Variants in FNDC3B observed in about 807,000 individuals in gnomAD.
The protein encoded by FNDC3B is fibronectin type III domain-containing protein 3B.
A neutral mutation model predicts 151.5 loss-of-function variants in FNDC3B; 12 were observed. The observed-to-expected ratio is 0.08, with a 90% CI of 0.05 to 0.13. FNDC3B has a LOEUF of 0.13. Ranked by LOEUF, FNDC3B falls within the 10% of genes least tolerant of loss-of-function variation. FNDC3B has a pLI of 1.00. For synonymous variants in FNDC3B, 528 were observed against 549.0 expected (o/e 0.96, Z 0.54); for missense variants, 1,214 against 1,505.3 (o/e 0.81, Z 3.20).
intron 11 of FNDC3B, among the ~76,000 whole-genome samples, chr3:172,322,766 C>T (rs1352963222): frequency 6.6e-6 from 1 of 152,158 alleles, no homozygotes; most frequent in African/African-American, 2.4e-5. Flanking sequence ...CCCAGAAATA[C>T]AGTGACAGGA....
At chr3:172,215,831 A>T (rs1725949277) in intron 3 of FNDC3B, among the ~76,000 whole-genome samples, 1 of 151,832 alleles carries the variant, frequency 6.6e-6, no homozygotes, top group Non-Finnish European at 1.5e-5. Context: ...AAACTTTAAC[A>T]TCTTAGTCTG....
intron 10 of FNDC3B, among the ~76,000 whole-genome samples, chr3:172,308,904 G>A (rs1051480060): frequency 1.3e-5 from 2 of 152,054 alleles, no homozygotes; most frequent in African/African-American, 4.8e-5. Context: ...ATTTTGTTTG[G>A]AAAATATAAG....
At position 172,251,413 on chromosome 3, in the gene FNDC3B, T is replaced by C; in HGVS notation, c.662T>C (p.Val221Ala). 6.2e-7 allele frequency: 1 copy of C among 1,613,766 alleles called. No homozygotes were observed. The highest frequency in any genetic ancestry group is 8.5e-7 in the Non-Finnish European group (1 of 1,179,954). Residue 221 changes from valine (V) to alanine (A), a missense_variant, in exon 6 of 26, where the codon GTA becomes GCA. Physicochemically the swap from Val to Ala is moderately conservative, Grantham distance 64 (BLOSUM62 0). Around this residue, in one of 7 missense-constraint regions of FNDC3B, gnomAD observed 166 missense variants for 173.2 expected, o/e 0.96. Coordinates refer to ENST00000415807, the MANE Select transcript of FNDC3B (RefSeq NM_022763.4). ...SSIYKSSCTT[V>A]YNGYGKGHSG... ...ATCTACAAAAGCAGCTGCACAACAGTATACAATGGCTATGGGAAGGGCCAT... is the reference window on the plus strand; with the variant it reads ...ATCTACAAAAGCAGCTGCACAACAGCATACAATGGCTATGGGAAGGGCCAT...
chr3:172,041,431 TTC>T (rs1716061770), intron 1 of FNDC3B, among the ~76,000 whole-genome samples: 1 of 137,754 alleles, frequency 7.3e-6, no homozygotes, highest in African/African-American at 3.2e-5. Context: ...CCTTCCTTCC[TTC>T]CTTCCTTCCT....
chr3:172,236,131 G>A (rs887615413), intron 4 of FNDC3B, among the ~76,000 whole-genome samples: 1 of 152,204 alleles, frequency 6.6e-6, no homozygotes, highest in African/African-American at 2.4e-5. Flanking sequence ...ATCCATTTTA[G>A]TATCGATTGA....
intron 3 of FNDC3B, among the ~76,000 whole-genome samples, chr3:172,136,885 A>G (rs191126308): frequency 2.2e-4 from 33 of 152,140 alleles, no homozygotes; most frequent in Admixed American, 5.9e-4. Context: ...ACACCTGTCT[A>G]ATTTTTTTGT....
chr3:172,245,843 A>C (rs956657075), intron 4 of FNDC3B, among the ~76,000 whole-genome samples: 16 of 152,230 alleles, frequency 1.1e-4, no homozygotes, highest in Non-Finnish European at 1.9e-4. Flanking sequence ...CTTAATTTTA[A>C]ATAGGTAATA....
intron 11 of FNDC3B, among the ~76,000 whole-genome samples, chr3:172,315,168 GGAGTTC>G (rs1262694046): frequency 6.6e-6 from 1 of 152,184 alleles, no homozygotes; most frequent in Non-Finnish European, 1.5e-5. Flanking sequence ...CCTGAGCTCA[GGAGTTC>G]GAGACCAGCC....
intron 3 of FNDC3B, among the ~76,000 whole-genome samples, chr3:172,159,358 T>A (rs1722658209): frequency 6.6e-6 from 1 of 152,234 alleles, no homozygotes; most frequent in South Asian, 2.1e-4. Flanking sequence ...AACTGTGTGA[T>A]CACTGTATCC....
intron 3 of FNDC3B, among the ~76,000 whole-genome samples, chr3:172,225,120 ATTT>A (rs1206850482): frequency 6.6e-6 from 1 of 152,174 alleles, no homozygotes; most frequent in Middle Eastern, 3.2e-3. Flanking sequence ...ATTGAATTTA[ATTT>A]GTTGTTGTTC....
chr3:172,118,376 G>A (rs553651806), intron 2 of FNDC3B, among the ~76,000 whole-genome samples: 9 of 152,354 alleles, frequency 5.9e-5, no homozygotes, highest in African/African-American at 2.2e-4. Flanking sequence ...TAGCCACGGT[G>A]TCGGGGGACC....
chr3:172,067,458 G>A (rs1340704248), intron 1 of FNDC3B, among the ~76,000 whole-genome samples: 2 of 151,978 alleles, frequency 1.3e-5, no homozygotes, highest in East Asian at 1.9e-4. Flanking sequence ...TTTTTTTCTT[G>A]TTTGATGTTA....
chr3:172,398,784 TG>T lies in FNDC3B; in HGVS notation c.*1310del, dbSNP rs1736415524. 2 of 152,608 alleles carry T rather than the reference TG, an allele frequency of 1.3e-5. No homozygotes were observed. Among genetic ancestry groups the T allele is most frequent in the Admixed American group, 1.3e-4 (2 of 15,278 alleles). The allele number at this position is 152,608 out of a possible 1,614,324, so 9.5% of individuals were successfully genotyped here. On this transcript the variant is annotated 3_prime_UTR_variant, in exon 26 of 26. Transcript: ENST00000415807. ...AAAATAAAACGGGGATTCTAATGTT[TG>T]TAAGTGCTTTGAGATCTTTGACCAA...
chr3:172,306,612 G>A (rs976789895), intron 9 of FNDC3B, among the ~76,000 whole-genome samples: 1 of 152,176 alleles, frequency 6.6e-6, no homozygotes, highest in East Asian at 1.9e-4. Flanking sequence ...AATCAGCATA[G>A]CCCTATTTTA....
At chr3:172,282,247 A>G (rs926643234) in intron 6 of FNDC3B, among the ~76,000 whole-genome samples, 2 of 152,198 alleles carry the variant, frequency 1.3e-5, no homozygotes, top group African/African-American at 4.8e-5. Flanking sequence ...GGTTTTATTT[A>G]CCTTTTCCTT....
In FNDC3B at chr3:172,281,030, G is replaced by GC. The variant is rs554009369; in HGVS notation, c.791-4891dup. On this transcript the variant is annotated intron_variant, in intron 6 of 25. Coordinates refer to ENST00000415807, the MANE Select transcript of FNDC3B (RefSeq NM_022763.4). ...AGAAAGACTTGTGTCTCTAAGCTGA[G>GC]CCCCCTTTCCCTTTTTTAGCATTTC... Among the ~76,000 whole-genome samples, 78 of 149,922 alleles carry GC rather than the reference G, an allele frequency of 5.2e-4. No individual in the cohort carries two copies. The South Asian group carries it at 0.016, about 32-fold the overall frequency.
intron 1 of FNDC3B, among the ~76,000 whole-genome samples, chr3:172,061,206 T>C (rs964719431): frequency 1.3e-5 from 2 of 152,114 alleles, no homozygotes; most frequent in Non-Finnish European, 2.9e-5. Context: ...CAATTTTTTC[T>C]TTTAAAACGG....
chr3:172,188,099 G>A (rs1317431870), intron 3 of FNDC3B, among the ~76,000 whole-genome samples: 1 of 150,030 alleles, frequency 6.7e-6, no homozygotes, highest in African/African-American at 2.5e-5. Context: ...AGGTTCAAGC[G>A]ATTCTCCTGC....
At chr3:172,286,878 G>A (rs1730047406) in intron 7 of FNDC3B, among the ~76,000 whole-genome samples, 1 of 152,160 alleles carries the variant, frequency 6.6e-6, no homozygotes, top group Non-Finnish European at 1.5e-5. Context: ...GAAGATAGAT[G>A]CAGGGAAGAG....
Sources: gnomAD v4.1 joint callset for allele counts (sites outside exome capture counted in the v4.1 genomes callset) on GRCh38, gnomAD v4.1.1 for gene constraint, gnomAD v4.1.1 regional missense constraint, MANE v1.5 for transcripts, NCBI Gene and HGNC (gene_info 2026-07-23, HGNC 2026-07-21) for gene names.